The following COL23A1 variants were observed in gnomAD, a reference collection of about 807,000 sequenced individuals.
The protein encoded by COL23A1 is collagen type XXIII alpha 1 chain.
In COL23A1, 97 loss-of-function variants were observed where a neutral mutation model predicts 99.3. That is an observed-to-expected ratio of 0.98 (90% CI 0.83 to 1.16). COL23A1 has a LOEUF of 1.16. COL23A1 is among the 50% of genes most tolerant of loss of function. COL23A1 has a pLI of 0.00. For synonymous variants in COL23A1, 320 were observed against 308.2 expected, an observed-to-expected ratio of 1.04 and a Z score of -0.40; for missense variants, 762 against 757.4, an observed-to-expected ratio of 1.01 and a Z score of -0.07.
At chr5:178,316,642 A>G (rs557562803) in intron 2 of COL23A1, among the ~76,000 whole-genome samples, 1 of 152,258 alleles carries the variant, frequency 6.6e-6, no homozygotes, top group South Asian at 2.1e-4. Flanking sequence ...AGGAAGAGGG[A>G]TCTTGTTTAT....
At chr5:178,587,771 C>T (rs1304303410) in intron 1 of COL23A1, among the ~76,000 whole-genome samples, 2 of 152,210 alleles carry the variant, frequency 1.3e-5, no homozygotes, top group Non-Finnish European at 2.9e-5. Flanking sequence ...CCACAGTGCT[C>T]TCCTCCCAGC....
In COL23A1 at chr5:178,288,356, G is replaced by A. The variant is rs760761594; in HGVS notation, c.415-6C>T. 1 of 1,611,282 alleles carries A rather than the reference G, an allele frequency of 6.2e-7. No homozygotes were observed. Among genetic ancestry groups the A allele is most frequent in the Non-Finnish European group, 8.5e-7 (1 of 1,177,354 alleles). On this transcript the variant is annotated splice_region_variant and splice_polypyrimidine_tract_variant and intron_variant, in intron 4 of 28. Coordinates refer to ENST00000390654, the MANE Select transcript of COL23A1 (RefSeq NM_173465.4). ...CCATCTCGTCCTGATTGCCCCTGTG[G>A]TAATTAATATGTCATTAATAATCAG...
chr5:178,335,411 A>G (rs1168438518), intron 2 of COL23A1, among the ~76,000 whole-genome samples: 1 of 152,234 alleles, frequency 6.6e-6, no homozygotes, highest in African/African-American at 2.4e-5. Context: ...CCATAGGAAG[A>G]GCGGTCCCCC....
chr5:178,456,464 T>C (rs1305929639), intron 2 of COL23A1, among the ~76,000 whole-genome samples: 3 of 152,204 alleles, frequency 2.0e-5, no homozygotes, highest in Non-Finnish European at 2.9e-5. Flanking sequence ...TTTGAGAGGC[T>C]GAGCTGGGCG....
intron 27 of COL23A1, 103 bp downstream of exon 27, chr5:178,241,939 G>T: frequency 2.5e-6 from 2 of 812,322 alleles, no homozygotes; most frequent in Non-Finnish European, 4.0e-6. Flanking sequence ...GACCAGTGGG[G>T]CCTCTGGGAC....
At chr5:178,319,051 C>T (rs555850659) in intron 2 of COL23A1, among the ~76,000 whole-genome samples, 6 of 152,112 alleles carry the variant, frequency 3.9e-5, no homozygotes, top group South Asian at 2.1e-4. Flanking sequence ...CCCTCACAGG[C>T]GGCAGGTACA....
intron 2 of COL23A1, among the ~76,000 whole-genome samples, chr5:178,390,371 G>T (rs1763902893): frequency 6.6e-6 from 1 of 152,228 alleles, no homozygotes; most frequent in South Asian, 2.1e-4. Flanking sequence ...CATGAGGCAG[G>T]TCACCTGCTG....
At chr5:178,547,650 A>C (rs1246501758) in intron 2 of COL23A1, among the ~76,000 whole-genome samples, 2 of 3,876 alleles carry the variant, frequency 5.2e-4, no homozygotes, top group Non-Finnish European at 9.1e-4. Flanking sequence ...ACACACACAC[A>C]CCCCCCATAC....
intron 2 of COL23A1, among the ~76,000 whole-genome samples, chr5:178,362,219 C>T (rs866854216): frequency 6.6e-5 from 10 of 152,174 alleles, no homozygotes; most frequent in South Asian, 6.2e-4. Context: ...ACAGACACAC[C>T]ATTCCCATTT....
rs1008903083 is a variant in COL23A1, at chr5:178,280,612, T to C, written c.441+7712A>G. 3.9e-5 allele frequency among the ~76,000 whole-genome samples: 6 copies of C among 152,190 alleles called. No homozygotes were observed. The highest frequency in any genetic ancestry group is 1.4e-4 in the African/African-American group (6 of 41,452). ...GGCTCGGTGACTTTGTGCAGGTCTG[T>C]GAACATGTTCTTCCATGTGATGGGG... On this transcript the variant is annotated intron_variant, in intron 5 of 28. Coordinates refer to ENST00000390654, the MANE Select transcript of COL23A1 (RefSeq NM_173465.4). This position sits in a 1 kb window ranked among gnomAD's most constrained non-coding sequence, Gnocchi z 4.9.
intron 2 of COL23A1, among the ~76,000 whole-genome samples, chr5:178,331,166 G>A (rs970429525): frequency 2.0e-5 from 3 of 152,224 alleles, no homozygotes; most frequent in African/African-American, 7.2e-5. Context: ...CACTGCCTCC[G>A]CTGTCATGCT....
chr5:178,370,513 T>C (rs895746843), intron 2 of COL23A1, among the ~76,000 whole-genome samples: 7 of 151,536 alleles, frequency 4.6e-5, no homozygotes, highest in Middle Eastern at 3.5e-3. Flanking sequence ...CGGCAGGGGA[T>C]TGGGGGACAT....
intron 2 of COL23A1, among the ~76,000 whole-genome samples, chr5:178,506,372 C>T (rs1293941409): frequency 6.6e-6 from 1 of 152,206 alleles, no homozygotes; most frequent in African/African-American, 2.4e-5. Flanking sequence ...ACTCCAGGGA[C>T]TTGATCAGAA....
At chr5:178,455,901 C>T (rs1337408449) in intron 2 of COL23A1, among the ~76,000 whole-genome samples, 1 of 152,104 alleles carries the variant, frequency 6.6e-6, no homozygotes, top group Non-Finnish European at 1.5e-5. Context: ...ATGAATAATT[C>T]TCAGGTGTAT....
chr5:178,365,130 TGTGTGC>T lies in COL23A1; in HGVS notation c.362-58217_362-58212del, dbSNP rs1225269790. Among the ~76,000 whole-genome samples, 4 of 113,516 alleles carry T rather than the reference TGTGTGC, an allele frequency of 3.5e-5. No homozygotes were observed. The highest frequency in any genetic ancestry group is 7.5e-5 in the Non-Finnish European group (4 of 53,512). The allele number at this position is 113,516 out of a possible 152,430, so 74.5% of individuals were successfully genotyped here. ...TGGGGTGGGCTTTATGATGTTGCTG[TGTGTGC>T]GTGTGTGTGTGTGTGTGTGTGTGTG... is the stretch of plus-strand genomic sequence containing the variant. On this transcript the variant is annotated intron_variant, in intron 2 of 28. Transcript: ENST00000390654. The surrounding 1 kb of genome is among the most constrained non-coding windows in gnomAD (Gnocchi z 5.2).
In COL23A1 at chr5:178,307,181, C is replaced by T. The variant is rs985788159; in HGVS notation, c.362-262G>A. Among the ~76,000 whole-genome samples, 5 of 152,182 alleles carry T rather than the reference C, an allele frequency of 3.3e-5. No homozygotes were observed. Among genetic ancestry groups the T allele is most frequent in the East Asian group, 1.9e-4 (1 of 5,188 alleles). Reference sequence around the variant, plus strand: ...CGCACCCATTCTGTCATTCAATCATCGGCTCACTCAGTCATTCCTAAGCCC... The same window carrying T: ...CGCACCCATTCTGTCATTCAATCATTGGCTCACTCAGTCATTCCTAAGCCC... On this transcript the variant is annotated intron_variant, in intron 2 of 28. Transcript: ENST00000390654. This position sits in a 1 kb window ranked among gnomAD's most constrained non-coding sequence, Gnocchi z 4.2.
chr5:178,455,260 C>T (rs7728996), intron 2 of COL23A1, among the ~76,000 whole-genome samples: 5 of 152,308 alleles, frequency 3.3e-5, no homozygotes, highest in South Asian at 4.1e-4. Flanking sequence ...AAGTCACGCA[C>T]GGGCCTGCCC....
In COL23A1 at chr5:178,323,048, G is replaced by T. The variant is rs540222783; in HGVS notation, c.362-16129C>A. ...GGGAGGCTAAGCAGGACGGGGTGGA[G>T]GATGTGGGGTGGCATGTGGCGCTGT... On this transcript the variant is annotated intron_variant, in intron 2 of 28. Coordinates refer to ENST00000390654, the MANE Select transcript of COL23A1 (RefSeq NM_173465.4). 1.1e-3 allele frequency among the ~76,000 whole-genome samples: 170 copies of T among 152,258 alleles called. 2 individuals carry two copies. The South Asian group carries it at 0.021, about 19-fold the overall frequency.
chr5:178,252,040 A>G (rs1044508410), intron 17 of COL23A1, among the ~76,000 whole-genome samples: 6 of 151,670 alleles, frequency 4.0e-5, no homozygotes, highest in Non-Finnish European at 8.8e-5. Flanking sequence ...CAGCCTCTCA[A>G]GTAGCTGGGA....
Sources: gnomAD v4.1 joint callset for allele counts (sites outside exome capture counted in the v4.1 genomes callset) on GRCh38, gnomAD v4.1.1 for gene constraint, Gnocchi (gnomAD v3.1) non-coding constraint, MANE v1.5 for transcripts, NCBI Gene and HGNC (gene_info 2026-07-23, HGNC 2026-07-21) for gene names.